ZFAT: variants seen among roughly 807,000 people sequenced by gnomAD.
ZFAT encodes zinc finger and AT-hook domain containing.
Under a neutral mutation model 117.7 loss-of-function variants are expected in ZFAT, and 64 were observed. The ratio of observed to expected loss-of-function variants is 0.54; its 90% confidence interval spans 0.44 to 0.67. The LOEUF (loss-of-function observed/expected upper bound fraction) is 0.67, where lower values mean the gene tolerates loss of function less well. Among genes scored for constraint, ZFAT ranks in the 30% least tolerant of loss-of-function variants. The pLI is 0.00. For missense variants in ZFAT, 1,433 were observed against 1,584.5 expected (o/e 0.90, Z 1.62); for synonymous variants, 679 against 615.0 (o/e 1.10, Z -1.54).
chr8:134,530,767 A>C (rs923739132), intron 12 of ZFAT, among the ~76,000 whole-genome samples: 1 of 148,274 alleles, frequency 6.7e-6, no homozygotes, highest in Non-Finnish European at 1.5e-5. Context: ...AAAAAATAAC[A>C]ATATAAAAAT....
chr8:134,689,505 G>C (rs1833493773), intron 1 of ZFAT, among the ~76,000 whole-genome samples: 1 of 152,282 alleles, frequency 6.6e-6, no homozygotes, highest in African/African-American at 2.4e-5. Context: ...TAGAAATGCT[G>C]ACTCTACCCA....
chr8:134,571,740 C>T (rs948521101), intron 10 of ZFAT, among the ~76,000 whole-genome samples: 1 of 152,208 alleles, frequency 6.6e-6, no homozygotes, highest in Non-Finnish European at 1.5e-5. Context: ...TGTCACAATA[C>T]CTGTTTGACT....
chr8:134,660,473 G>A (rs1369735744), intron 1 of ZFAT, among the ~76,000 whole-genome samples: 2 of 152,242 alleles, frequency 1.3e-5, no homozygotes, highest in Non-Finnish European at 2.9e-5. Context: ...CCCCACCCCA[G>A]ACACTGGAGA....
chr8:134,486,809 T>A (rs1181576971), intron 15 of ZFAT, among the ~76,000 whole-genome samples: 1 of 151,986 alleles, frequency 6.6e-6, no homozygotes, highest in Non-Finnish European at 1.5e-5. Context: ...GGAGAGGCAA[T>A]GATGCAAAGA....
At chr8:134,750,802 G>A in the ZFAT span, among the ~76,000 whole-genome samples, 1 of 152,082 alleles carries the variant, frequency 6.6e-6, no homozygotes, top group Admixed American at 6.6e-5. Context: ...ATTGTGGAAT[G>A]GCTAACTCAA....
At chr8:134,629,670 C>T (rs775004027) in intron 3 of ZFAT, among the ~76,000 whole-genome samples, 11 of 152,166 alleles carry the variant, frequency 7.2e-5, no homozygotes, top group Admixed American at 2.0e-4. Context: ...CTCTCTCCTG[C>T]CACCATATAA....
chr8:134,602,887 T>G lies in ZFAT; in HGVS notation c.832A>C (p.Lys278Gln), dbSNP rs1827619194. Residue 278 changes from lysine (K) to glutamine (Q), a missense_variant, in exon 6 of 16, where the codon AAG becomes CAG. Coordinates refer to ENST00000377838, the MANE Select transcript of ZFAT (RefSeq NM_020863.4). ...LKIFTCEYCNKVFKFKHSLQA... is the reference protein window; with the variant it reads ...LKIFTCEYCNQVFKFKHSLQA... ...AGCGAGTGCTTGAACTTGAAGACCTTGTTGCAGTATTCACAAGTGAAGATT... is the reference window on the plus strand; with the variant it reads ...AGCGAGTGCTTGAACTTGAAGACCTGGTTGCAGTATTCACAAGTGAAGATT... 6.2e-7 allele frequency: 1 copy of G among 1,613,704 alleles called. No individual in the cohort carries two copies. Among genetic ancestry groups the G allele is most frequent in the African/African-American group, 1.3e-5 (1 of 74,906 alleles).
chr8:134,724,368 C>T, the ZFAT span, among the ~76,000 whole-genome samples: 1 of 152,172 alleles, frequency 6.6e-6, no homozygotes, highest in South Asian at 2.1e-4. Context: ...TGGACACTGG[C>T]TAATCAGAAA....
Position 134,667,076 on chromosome 8 carries a change from T to C in ZFAT, c.20-9339A>G, listed in dbSNP as rs896442212. 2.6e-4 allele frequency among the ~76,000 whole-genome samples: 40 copies of C among 151,610 alleles called. 1 individual carries two copies. Among genetic ancestry groups the C allele is most frequent in the African/African-American group, 8.2e-4 (34 of 41,234 alleles). ...CCACGTTCTCACTCATAAGTGGGAG[T>C]TGAACAATGAGAACTCATGGACATA... On this transcript the variant is annotated intron_variant, in intron 1 of 15. Transcript: ENST00000377838.
the ZFAT span, among the ~76,000 whole-genome samples, chr8:134,822,098 CT>C: frequency 6.6e-6 from 1 of 152,028 alleles, no homozygotes; most frequent in Non-Finnish European, 1.5e-5. Context: ...CTAATATGAC[CT>C]AACTCACCAT....
At chr8:134,504,003 G>A (rs1258451006) in intron 15 of ZFAT, among the ~76,000 whole-genome samples, 1 of 152,038 alleles carries the variant, frequency 6.6e-6, no homozygotes, top group African/African-American at 2.4e-5. Context: ...CAAACACAAC[G>A]TATTTCTTAT....
At chr8:134,722,324 G>A in the ZFAT span, among the ~76,000 whole-genome samples, 1 of 152,216 alleles carries the variant, frequency 6.6e-6, no homozygotes, top group Non-Finnish European at 1.5e-5. Flanking sequence ...TATCATAAGG[G>A]GAGGCAAGAG....
chr8:134,772,382 C>T, the ZFAT span, among the ~76,000 whole-genome samples: 1 of 152,158 alleles, frequency 6.6e-6, no homozygotes, highest in African/African-American at 2.4e-5. Flanking sequence ...AGGGAAACAA[C>T]CTTTTGTTGA....
chr8:134,623,961 T>C (rs552272923), intron 3 of ZFAT, among the ~76,000 whole-genome samples: 2 of 152,178 alleles, frequency 1.3e-5, no homozygotes, highest in Admixed American at 6.5e-5. Flanking sequence ...CCCACACTTA[T>C]CTCAGAGTGT....
At chr8:134,737,295 TAAAAA>T in the ZFAT span, among the ~76,000 whole-genome samples, 8 of 120,394 alleles carry the variant, frequency 6.6e-5, no homozygotes, top group African/African-American at 2.0e-4. Context: ...AAAATGAAAA[TAAAAA>T]TAAAAATAAA....
the ZFAT span, among the ~76,000 whole-genome samples, chr8:134,819,278 A>C: frequency 4.0e-5 from 6 of 151,270 alleles, no homozygotes; most frequent in Non-Finnish European, 7.4e-5. Flanking sequence ...AGGAAAAAAA[A>C]AAGGAAAAAA....
rs983911420 is a variant in ZFAT, at chr8:134,601,855, T to C, written c.1864A>G (p.Ser622Gly). 3 of 1,612,538 alleles carry C rather than the reference T, an allele frequency of 1.9e-6. No homozygotes were observed. The highest frequency in any genetic ancestry group is 2.7e-5 in the African/African-American group (2 of 75,018). Residue 622 changes from serine (S) to glycine (G), a missense_variant, in exon 6 of 16, where the codon AGC (serine) becomes GGC (glycine). Ser to Gly is a moderately conservative substitution (Grantham distance 56). This residue lies in a region of ZFAT where 372 missense variants were observed against 355.6 expected (regional missense o/e 1.05). Transcript: ENST00000377838. ...PEKPPDMQHR[S>G]SVQTQGEVIT... The stretch of plus-strand genomic sequence containing the variant: ...ACTTCACCTTGCGTCTGGACTGAGC[T>C]TCTGTGCTGCATGTCTGGGGGCTTC...
At position 134,520,480 on chromosome 8, in the gene ZFAT, T is replaced by TC. The variant is rs149650930; in HGVS notation, c.3234+402dup. The stretch of plus-strand genomic sequence containing the variant: ...AAAAAGCAGCTAGGAGCATGAGCTC[T>TC]CCACAGAAAGAGAGCAGGGCCTAGA... On this transcript the variant is annotated intron_variant, in intron 13 of 15. Transcript: ENST00000377838. Among the ~76,000 whole-genome samples, 139 of 152,012 alleles carry TC rather than the reference T, an allele frequency of 9.1e-4. 1 individual carries two copies. In the East Asian group the frequency reaches 0.021, roughly 23 times the overall value.
chr8:134,712,913 C>A lies in ZFAT; in HGVS notation c.-50G>T, dbSNP rs941624996. 4.7e-5 allele frequency: 69 copies of A among 1,469,514 alleles called. No individual in the cohort carries two copies. Among genetic ancestry groups the A allele is most frequent in the Admixed American group, 8.5e-5 (3 of 35,370 alleles). 91.0% of individuals were successfully genotyped at this position (1,469,514 alleles called of 1,614,324 possible). A position where few individuals can be genotyped will look rare whatever the true frequency, so the allele number is the denominator to read the frequency against. ...AAAAAGCCTCGGGCTCTTCCGGGCC[C>A]CCTCCCGTGCCGACCGAGGGGGCGG... On this transcript the variant is annotated 5_prime_UTR_variant, in exon 1 of 16. Coordinates refer to ENST00000377838, the MANE Select transcript of ZFAT (RefSeq NM_020863.4).
Sources: gnomAD v4.1 joint callset for allele counts (sites outside exome capture counted in the v4.1 genomes callset) on GRCh38, gnomAD v4.1.1 for gene constraint, gnomAD v4.1.1 regional missense constraint, MANE v1.5 for transcripts, NCBI Gene and HGNC (gene_info 2026-07-23, HGNC 2026-07-21) for gene names.